The following GABRG3 variants were observed in gnomAD, a reference collection of about 807,000 sequenced individuals.
The protein encoded by GABRG3 is gamma-aminobutyric acid receptor subunit gamma-3.
Under a neutral mutation model 48.8 loss-of-function variants are expected in GABRG3, and 25 were observed. The observed-to-expected ratio is 0.51, with a 90% CI of 0.37 to 0.72. GABRG3 has a LOEUF of 0.72. GABRG3 is among the 30% of genes least tolerant of loss of function. The pLI is 0.00. For synonymous variants in GABRG3, 227 were observed against 217.6 expected, an observed-to-expected ratio of 1.04 and a Z score of -0.38; for missense variants, 394 against 577.9, an observed-to-expected ratio of 0.68 and a Z score of 3.26.
chr15:27,071,040 T>A (rs564188425), intron 3 of GABRG3, among the ~76,000 whole-genome samples: 43 of 152,282 alleles, frequency 2.8e-4, no homozygotes, highest in African/African-American at 9.9e-4. Context: ...TAGGAGGAAG[T>A]CTGAGCTTAC....
At chr15:27,315,551 G>C (rs1893184319) in intron 3 of GABRG3, among the ~76,000 whole-genome samples, 1 of 152,176 alleles carries the variant, frequency 6.6e-6, no homozygotes. Flanking sequence ...CCATTATCAT[G>C]AATGTTAGTC....
At chr15:27,230,884 G>T (rs1889773858) in intron 3 of GABRG3, among the ~76,000 whole-genome samples, 1 of 152,088 alleles carries the variant, frequency 6.6e-6, no homozygotes, top group Non-Finnish European at 1.5e-5. Flanking sequence ...TTAAGAACTG[G>T]CTGCAAAGTA....
At position 27,308,446 on chromosome 15, in the gene GABRG3, CAT is replaced by C. The variant is rs1167150992; in HGVS notation, c.271-18360_271-18359del. On this transcript the variant is annotated intron_variant, in intron 3 of 9. Coordinates refer to ENST00000615808, the MANE Select transcript of GABRG3 (RefSeq NM_033223.5). ...ATGTAAACATACCTGTTTATATAAA[CAT>C]ATGCAAACATACATGTTTATATATA... Among the ~76,000 whole-genome samples, 317 of 141,976 alleles carry C rather than the reference CAT, an allele frequency of 2.2e-3. 1 individual carries two copies. The highest frequency in any genetic ancestry group is 7.2e-3 in the African/African-American group (262 of 36,360). 93.1% of individuals were successfully genotyped at this position (141,976 alleles called of 152,430 possible).
intron 3 of GABRG3, chr15:27,271,496 C>CCA: frequency 2.2e-6 from 1 of 453,138 alleles, no homozygotes. Flanking sequence ...GAGCAACAGG[C>CCA]CACGCCCCGG....
At chr15:27,356,984 C>G (rs1894862843) in intron 5 of GABRG3, among the ~76,000 whole-genome samples, 1 of 152,082 alleles carries the variant, frequency 6.6e-6, no homozygotes, top group African/African-American at 2.4e-5. Flanking sequence ...TCCTTTCAAC[C>G]TTTTTTGTAT....
intron 3 of GABRG3, among the ~76,000 whole-genome samples, chr15:27,087,277 G>A (rs1036958458): frequency 5.3e-5 from 8 of 152,194 alleles, no homozygotes. Context: ...TGGGGACTTG[G>A]TGCCAGGGCA....
chr15:27,403,934 A>C (rs1293750560), intron 5 of GABRG3, among the ~76,000 whole-genome samples: 3 of 143,362 alleles, frequency 2.1e-5, no homozygotes, highest in Non-Finnish European at 4.5e-5. Flanking sequence ...AAAAACAAAA[A>C]AAAAAAACCG....
At chr15:27,231,222 A>C (rs1231105131) in intron 3 of GABRG3, among the ~76,000 whole-genome samples, 1 of 152,150 alleles carries the variant, frequency 6.6e-6, no homozygotes, top group East Asian at 1.9e-4. Flanking sequence ...AGTTGCCTTT[A>C]TATTTCAAAG....
At chr15:27,255,015 G>C in intron 3 of GABRG3, among the ~76,000 whole-genome samples, 1 of 152,144 alleles carries the variant, frequency 6.6e-6, no homozygotes, top group Non-Finnish European at 1.5e-5. Flanking sequence ...GCCACTCTGG[G>C]CTCTGATCCC....
intron 3 of GABRG3, among the ~76,000 whole-genome samples, chr15:27,169,525 AGGGGAGGCCGTGGTGAT>A (rs1887493156): frequency 6.6e-6 from 1 of 152,102 alleles, no homozygotes. Flanking sequence ...GAACCATCTG[AGGGGAGGCCGTGGTGAT>A]GGGGATGTGA....
chr15:27,388,199 AGGAAGGAAG>A, intron 5 of GABRG3, among the ~76,000 whole-genome samples: 2 of 86,536 alleles, frequency 2.3e-5, no homozygotes, highest in Non-Finnish European at 2.1e-5. Context: ...AGGGTAAGGA[AGGAAGGAAG>A]GAAAGGAGGA....
intron 3 of GABRG3, among the ~76,000 whole-genome samples, chr15:27,152,946 C>T (rs376029733): frequency 2.0e-5 from 3 of 151,618 alleles, no homozygotes; most frequent in East Asian, 3.9e-4. Flanking sequence ...CTGCAAGCTC[C>T]GCCTCCCGGG....
chr15:27,246,560 G>A (rs11263710), intron 3 of GABRG3, among the ~76,000 whole-genome samples: 34,252 of 151,994 alleles, frequency 0.23, 5,419 homozygotes, highest in East Asian at 0.51. Flanking sequence ...TTTAAGGAAA[G>A]TACCCAGAAA....
intron 3 of GABRG3, among the ~76,000 whole-genome samples, chr15:27,308,397 A>ATAAACATTTGTTTATATATAAAC (rs914699128): frequency 6.9e-6 from 1 of 145,318 alleles, no homozygotes; most frequent in African/African-American, 2.5e-5. Context: ...ATAAACATAT[A>ATAAACATTTGTTTATATATAAAC]ATATAAACAT....
In GABRG3 at chr15:27,519,993, T is replaced by C; in HGVS notation, c.734T>C (p.Ile245Thr). The C allele has an allele frequency of 6.4e-7, 1 of 1,567,472 alleles. No homozygotes were observed. The highest frequency in any genetic ancestry group is 8.7e-7 in the Non-Finnish European group (1 of 1,154,688). Residue 245 changes from isoleucine (I) to threonine (T), a missense_variant, in exon 7 of 10, where the codon ATA (isoleucine) becomes ACA (threonine). Physicochemically the swap from Ile to Thr is moderately conservative, Grantham distance 89. Transcript: ENST00000615808. ...TSAGDYVVMT[I>T]YFELSRRMGY... is the part of the protein sequence containing the mutation. Reference sequence around the variant, plus strand: ...ACAGGTGATTATGTTGTCATGACTATATATTTTGAATTGAGTAGAAGAATG... The same window carrying C: ...ACAGGTGATTATGTTGTCATGACTACATATTTTGAATTGAGTAGAAGAATG...
chr15:27,144,490 C>T (rs747808422), intron 3 of GABRG3, among the ~76,000 whole-genome samples: 1 of 151,160 alleles, frequency 6.6e-6, no homozygotes, highest in African/African-American at 2.4e-5. Context: ...GTCTTTTCTT[C>T]GGAGTACTTG....
At chr15:27,157,234 T>C (rs144248010) in intron 3 of GABRG3, among the ~76,000 whole-genome samples, 56 of 152,334 alleles carry the variant, frequency 3.7e-4, no homozygotes, top group Non-Finnish European at 6.0e-4. Flanking sequence ...TTTTAAAAAT[T>C]ATAGTTTGCA....
At position 26,989,083 on chromosome 15, in the gene GABRG3, CTCT is replaced by C. The variant is rs571585108; in HGVS notation, c.202+11938_202+11940del. On this transcript the variant is annotated intron_variant, in intron 2 of 9. Transcript: ENST00000615808. ...TAGTCACTCCACATTATCCTTGCCA[CTCT>C]TCTTTGAGCCCTTGGTAACCAATAG... Among the ~76,000 whole-genome samples the C allele has an allele frequency of 1.6e-3, 250 of 152,280 alleles. 1 individual carries two copies. The highest frequency in any genetic ancestry group is 2.3e-3 in the Non-Finnish European group (153 of 67,996).
chr15:27,107,844 T>C (rs1897478569), intron 3 of GABRG3, among the ~76,000 whole-genome samples: 1 of 151,894 alleles, frequency 6.6e-6, no homozygotes, highest in South Asian at 2.1e-4. Flanking sequence ...TATTAACAAT[T>C]TATCAAATTT....
Sources: allele counts gnomAD v4.1 joint callset (sites outside exome capture counted in the v4.1 genomes callset), GRCh38; gene constraint gnomAD v4.1.1; transcripts MANE v1.5; gene names NCBI Gene and HGNC (gene_info 2026-07-23, HGNC 2026-07-21).